Variants in ASIC2 observed in about 807,000 individuals in gnomAD.
ASIC2 encodes acid-sensing ion channel 2.
Under a neutral mutation model 57.3 loss-of-function variants are expected in ASIC2, and 25 were observed. The observed-to-expected ratio is 0.44, with a 90% CI of 0.32 to 0.61. The LOEUF (loss-of-function observed/expected upper bound fraction) is 0.61, where lower values mean the gene tolerates loss of function less well. Ranked by LOEUF, ASIC2 falls within the 20% of genes least tolerant of loss-of-function variation. The probability of loss-of-function intolerance (pLI) is 0.06; values close to 1 mark genes in which losing one functional copy is unlikely to be tolerated. For missense variants in ASIC2, 641 were observed against 738.1 expected, an observed-to-expected ratio of 0.87 and a Z score of 1.52; for synonymous variants, 319 against 307.5, an observed-to-expected ratio of 1.04 and a Z score of -0.39.
At chr17:33,426,824 CATTAT>C (rs1911236479) in intron 1 of ASIC2, among the ~76,000 whole-genome samples, 1 of 152,112 alleles carries the variant, frequency 6.6e-6, no homozygotes, top group Admixed American at 6.5e-5. Flanking sequence ...CAAATGCACA[CATTAT>C]TGCAGTTTGC....
rs752265972 is a variant in ASIC2, at chr17:33,292,780, A to G, written c.-665T>C. Reference sequence around the variant, plus strand: ...CGCCTTCTTTCCCTTCCCCTCCAGGACCCTTCCTTGTTACTGCTCCCTGGG... The same window carrying G: ...CGCCTTCTTTCCCTTCCCCTCCAGGGCCCTTCCTTGTTACTGCTCCCTGGG... On this transcript the variant is annotated 5_prime_UTR_variant, in exon 1 of 10. Transcript: ENST00000225823. 1.6e-5 allele frequency: 16 copies of G among 985,534 alleles called. No homozygotes were observed. Among genetic ancestry groups the G allele is most frequent in the African/African-American group, 1.8e-5 (1 of 57,120 alleles). 61.0% of individuals were successfully genotyped at this position (985,534 alleles called of 1,614,324 possible). A position where few individuals can be genotyped will look rare whatever the true frequency, so the allele number is the denominator to read the frequency against.
intron 1 of ASIC2, among the ~76,000 whole-genome samples, chr17:33,180,565 A>G (rs1905941043): frequency 6.6e-6 from 1 of 152,168 alleles, no homozygotes; most frequent in Non-Finnish European, 1.5e-5. Flanking sequence ...CACCACCACC[A>G]TCATCACCAC....
rs1906403262 is a variant in ASIC2, at chr17:33,311,218, A to G, written c.556-199151T>C. On this transcript the variant is annotated intron_variant, in intron 1 of 9. Coordinates refer to the ASIC2 transcript ENST00000359872. ...CAACCATGCTTCTAGGTCTCTAGGT[A>G]TGACTGGCCCATTTCATAGATCGGG... Among the ~76,000 whole-genome samples, 5 of 152,198 alleles carry G rather than the reference A, an allele frequency of 3.3e-5. No homozygotes were observed. The South Asian group carries it at 1.0e-3, about 32-fold the overall frequency.
chr17:33,545,412 A>G (rs2141972314), intron 1 of ASIC2, among the ~76,000 whole-genome samples: 1 of 152,258 alleles, frequency 6.6e-6, no homozygotes, highest in Middle Eastern at 3.4e-3. Flanking sequence ...AGGGACATTA[A>G]AATTGAAAAA....
chr17:33,243,906 T>C (rs1726605270), intron 1 of ASIC2, among the ~76,000 whole-genome samples: 1 of 152,200 alleles, frequency 6.6e-6, no homozygotes, highest in African/African-American at 2.4e-5. Flanking sequence ...CTAGTTTGGC[T>C]TTGCCACAAA....
intron 1 of ASIC2, among the ~76,000 whole-genome samples, chr17:33,917,649 T>C (rs1476742104): frequency 6.6e-6 from 1 of 152,202 alleles, no homozygotes; most frequent in Non-Finnish European, 1.5e-5. Flanking sequence ...AATGAAAATC[T>C]TATAATAAAC....
chr17:34,147,619 A>T (rs573260325), intron 1 of ASIC2, among the ~76,000 whole-genome samples: 2 of 152,184 alleles, frequency 1.3e-5, no homozygotes, highest in Non-Finnish European at 2.9e-5. Context: ...TATGGTTTTA[A>T]GTCAAATGCA....
chr17:33,506,385 C>T (rs1212535260), intron 1 of ASIC2, among the ~76,000 whole-genome samples: 2 of 151,066 alleles, frequency 1.3e-5, no homozygotes, highest in East Asian at 1.9e-4. Context: ...TGCACTCCAG[C>T]CTGGGTGACA....
intron 1 of ASIC2, among the ~76,000 whole-genome samples, chr17:33,880,419 G>T (rs930893304): frequency 6.6e-6 from 1 of 152,132 alleles, no homozygotes; most frequent in Admixed American, 6.5e-5. Flanking sequence ...AAATAATAAA[G>T]GGGATATCAC....
intron 1 of ASIC2, among the ~76,000 whole-genome samples, chr17:33,639,593 G>A (rs1006949518): frequency 2.6e-5 from 4 of 152,076 alleles, no homozygotes; most frequent in East Asian, 1.9e-4. Flanking sequence ...TGGGGCAGGA[G>A]CTGTTAATCC....
chr17:33,613,668 A>G (rs1192553388), intron 1 of ASIC2, among the ~76,000 whole-genome samples: 10 of 152,102 alleles, frequency 6.6e-5, no homozygotes, highest in Admixed American at 6.5e-4. Flanking sequence ...CGCCTGGCCC[A>G]CATGTATTCT....
At chr17:34,076,827 G>A (rs1371379379) in intron 1 of ASIC2, among the ~76,000 whole-genome samples, 4 of 152,222 alleles carry the variant, frequency 2.6e-5, no homozygotes, top group Non-Finnish European at 5.9e-5. Context: ...TAGTCAGAGA[G>A]TGAGACAGGA....
At chr17:33,786,696 C>A (rs1375466839) in intron 1 of ASIC2, among the ~76,000 whole-genome samples, 2 of 152,164 alleles carry the variant, frequency 1.3e-5, no homozygotes. Context: ...CCTGGCCACC[C>A]CATCATGTGT....
In ASIC2 at chr17:33,652,077, A is replaced by C. The variant is rs186489045; in HGVS notation, c.555+503901T>G. 2.0e-5 allele frequency among the ~76,000 whole-genome samples: 3 copies of C among 152,292 alleles called. No individual in the cohort carries two copies. In the East Asian group the frequency reaches 5.8e-4, roughly 29 times the overall value. On this transcript the variant is annotated intron_variant, in intron 1 of 9. Transcript: ENST00000359872. ...ATCTGTGAAATGGGGAGGCTGCCAA[A>C]ATTCCTCTTCCCTTGGGTTCTAACA...
intron 1 of ASIC2, among the ~76,000 whole-genome samples, chr17:33,718,550 C>T (rs537290080): frequency 1.2e-4 from 18 of 152,224 alleles, no homozygotes; most frequent in African/African-American, 4.1e-4. Flanking sequence ...ATTCCTGCTC[C>T]ACTCCCACAT....
In ASIC2 at chr17:33,419,823, G is replaced by A. The variant is rs184962990; in HGVS notation, c.556-307756C>T. Among the ~76,000 whole-genome samples the A allele has an allele frequency of 2.5e-4, 38 of 152,128 alleles. No homozygotes were observed. The East Asian group carries it at 6.6e-3, about 26-fold the overall frequency. On this transcript the variant is annotated intron_variant, in intron 1 of 9. Transcript: ENST00000359872. ...AACATACAAACTTGAAAAAGAATGA[G>A]GTTCATCTAGTCGTGTTGATGAAAC...
At chr17:33,017,197 AG>A (rs1464931322) in intron 8 of ASIC2, among the ~76,000 whole-genome samples, 1 of 152,136 alleles carries the variant, frequency 6.6e-6, no homozygotes, top group Non-Finnish European at 1.5e-5. Context: ...CCTAGAGGGC[AG>A]GTGTGTGTGG....
rs71377494 is a variant in ASIC2 at position 33,480,112 on chromosome 17, T to A, written c.556-368045A>T. Among the ~76,000 whole-genome samples the A allele has an allele frequency of 1.0e-2, 1,523 of 152,320 alleles. 58 individuals carry two copies. Among genetic ancestry groups the A allele is most frequent in the East Asian group, 0.098 (507 of 5,176 alleles). On this transcript the variant is annotated intron_variant, in intron 1 of 9. Transcript: ENST00000359872. Reference sequence around the variant, plus strand: ...TCAATCTTTTGAGGCATATGCCATCTTCCCATTCCATTTTAAAATTCATTC... The same window carrying A: ...TCAATCTTTTGAGGCATATGCCATCATCCCATTCCATTTTAAAATTCATTC...
chr17:33,579,753 G>C (rs190882064), intron 1 of ASIC2, among the ~76,000 whole-genome samples: 4 of 152,154 alleles, frequency 2.6e-5, no homozygotes, highest in Non-Finnish European at 5.9e-5. Flanking sequence ...CTAAACAGCA[G>C]CAAAACTCAT....
Sources: gnomAD v4.1 joint callset for allele counts (sites outside exome capture counted in the v4.1 genomes callset) on GRCh38, gnomAD v4.1.1 for gene constraint, MANE v1.5 for transcripts, NCBI Gene and HGNC (gene_info 2026-07-23, HGNC 2026-07-21) for gene names.